The following WDR25 variants were observed in gnomAD, a reference collection of about 807,000 sequenced individuals.
WDR25 encodes the protein WD repeat-containing protein 25.
In WDR25, 35 loss-of-function variants were observed where a neutral mutation model predicts 47.7. The observed-to-expected ratio is 0.73, with a 90% confidence interval of 0.56 to 0.97. WDR25 has a LOEUF of 0.97. Ranked by LOEUF, WDR25 falls within the 50% of genes least tolerant of loss-of-function variation. WDR25 has a pLI of 0.00. For missense variants in WDR25, 634 were observed against 704.7 expected (o/e 0.90, Z 1.14); for synonymous variants, 248 against 278.9 (o/e 0.89, Z 1.10).
At chr14:100,379,398 T>TC (rs1241054046) in intron 1 of WDR25, among the ~76,000 whole-genome samples, 1 of 150,448 alleles carries the variant, frequency 6.6e-6, no homozygotes, top group Non-Finnish European at 1.5e-5. Flanking sequence ...TTCTTTTTTT[T>TC]TTTTTTTGAG....
chr14:100,406,802 G>A (rs1241099868), intron 2 of WDR25: 1 of 152,380 alleles, frequency 6.6e-6, no homozygotes, highest in Non-Finnish European at 1.5e-5. Flanking sequence ...GAAAGAGTGA[G>A]TGAGTGAATG....
rs982944352 is a variant in WDR25, at chr14:100,502,602, C to T, written c.1101+18478C>T. On this transcript the variant is annotated intron_variant, in intron 4 of 6. Coordinates refer to ENST00000402312, the MANE Select transcript of WDR25 (RefSeq NM_001161476.3). The surrounding 1 kb of genome is among the most constrained non-coding windows in gnomAD (Gnocchi z 4.5). ...TTCTTCATTAGGGGTCCTATAGACA[C>T]TTGCTGAATTAACCACTGCATGGCC... 6.6e-6 allele frequency among the ~76,000 whole-genome samples: 1 copy of T among 152,222 alleles called. No homozygotes were observed. The highest frequency in any genetic ancestry group is 6.5e-5 in the Admixed American group (1 of 15,288).
At chr14:100,485,316 A>G (rs1347811857) in intron 4 of WDR25, among the ~76,000 whole-genome samples, 1 of 151,716 alleles carries the variant, frequency 6.6e-6, no homozygotes, top group Non-Finnish European at 1.5e-5. Flanking sequence ...CTGACATATT[A>G]TGGATTTTAT....
intron 2 of WDR25, among the ~76,000 whole-genome samples, chr14:100,435,245 T>C (rs891580053): frequency 2.6e-5 from 4 of 152,162 alleles, no homozygotes; most frequent in African/African-American, 9.7e-5. Context: ...GTGTACTTGC[T>C]CCTCCTGCTG....
rs61706956 is a variant in WDR25 at position 100,459,894 on chromosome 14, GTATATATATATATATATATATATA to G, written c.823-8104_823-8081del. 3.7e-4 allele frequency among the ~76,000 whole-genome samples: 29 copies of G among 78,274 alleles called. 3 individuals are homozygous for G. Among genetic ancestry groups the G allele is most frequent in the South Asian group, 6.0e-4 (1 of 1,666 alleles). The allele number at this position is 78,274 out of a possible 152,430, so 51.4% of individuals were successfully genotyped here. On this transcript the variant is annotated intron_variant, in intron 2 of 6. Coordinates refer to ENST00000402312, the MANE Select transcript of WDR25 (RefSeq NM_001161476.3). ...TATATATCCGTATATGTGTGTGTGTGTATATATATATATATATATATATATATATATATATATATATATATACAC... is the reference window on the plus strand; with the variant it reads ...TATATATCCGTATATGTGTGTGTGTGTATATATATATATATATATATACAC...
intron 2 of WDR25, chr14:100,382,263 G>T (rs556738054): frequency 1.5e-6 from 1 of 683,430 alleles, no homozygotes; most frequent in African/African-American, 1.8e-5. Context: ...GGACACACAG[G>T]TGCTCTGGGA....
At position 100,454,867 on chromosome 14, in the gene WDR25, C is replaced by T. The variant is rs543747488; in HGVS notation, c.823-13154C>T. The T allele has an allele frequency of 2.3e-5, 4 of 172,182 alleles. No homozygotes were observed. In the South Asian group the frequency reaches 4.4e-4, roughly 19 times the overall value. The allele number at this position is 172,182 out of a possible 1,614,324, so 10.7% of individuals were successfully genotyped here. A position where few individuals can be genotyped will look rare whatever the true frequency, so the allele number is the denominator to read the frequency against. On this transcript the variant is annotated intron_variant, in intron 2 of 6. Coordinates refer to ENST00000402312, the MANE Select transcript of WDR25 (RefSeq NM_001161476.3). Reference sequence around the variant, plus strand: ...AACTGAATAGAAATTTCTGCTGCTGCACACCGCAAGGGAAACAGAGTTTGA... The same window carrying T: ...AACTGAATAGAAATTTCTGCTGCTGTACACCGCAAGGGAAACAGAGTTTGA...
At chr14:100,384,460 C>T (rs1456640094) in intron 2 of WDR25, among the ~76,000 whole-genome samples, 6 of 152,188 alleles carry the variant, frequency 3.9e-5, no homozygotes, top group Admixed American at 6.5e-5. Context: ...GGCCAGAAGT[C>T]CCGGCTGAGG....
At chr14:100,447,961 A>C (rs1898892650) in intron 2 of WDR25, among the ~76,000 whole-genome samples, 1 of 152,208 alleles carries the variant, frequency 6.6e-6, no homozygotes, top group Non-Finnish European at 1.5e-5. Flanking sequence ...TGGGAGGCCG[A>C]GGTGGGTGAA....
chr14:100,400,277 C>T (rs1020577987), intron 2 of WDR25, among the ~76,000 whole-genome samples: 7 of 152,312 alleles, frequency 4.6e-5, no homozygotes, highest in African/African-American at 1.2e-4. Context: ...TCAGTTCTGC[C>T]GTACAACCCA....
chr14:100,489,656 C>T (rs1035069567), intron 4 of WDR25, among the ~76,000 whole-genome samples: 2 of 152,186 alleles, frequency 1.3e-5, no homozygotes, highest in Admixed American at 6.5e-5. Context: ...CATGTGGCTC[C>T]TGCAGCTGGC....
chr14:100,510,685 G>A (rs940192133), intron 4 of WDR25, among the ~76,000 whole-genome samples: 2 of 151,618 alleles, frequency 1.3e-5, no homozygotes, highest in African/African-American at 2.4e-5. Flanking sequence ...GCAGTGAGCC[G>A]AGATCGCGTC....
chr14:100,479,943 A>C (rs1165257558), intron 3 of WDR25, among the ~76,000 whole-genome samples: 1 of 152,144 alleles, frequency 6.6e-6, no homozygotes, highest in Non-Finnish European at 1.5e-5. Context: ...TGGTGATCTG[A>C]GGTGGGACAG....
intron 1 of WDR25, among the ~76,000 whole-genome samples, chr14:100,378,765 C>T (rs1232244180): frequency 7.1e-5 from 2 of 28,102 alleles, no homozygotes; most frequent in African/African-American, 1.5e-4. Flanking sequence ...GAGACCATCC[C>T]GGCTAAAACG....
chr14:100,391,924 T>C (rs1897154610), intron 2 of WDR25, among the ~76,000 whole-genome samples: 1 of 152,232 alleles, frequency 6.6e-6, no homozygotes, highest in Non-Finnish European at 1.5e-5. Context: ...CGTGTGCTTT[T>C]GCAGTGGATT....
chr14:100,475,569 G>A (rs960651628), intron 3 of WDR25, among the ~76,000 whole-genome samples: 1 of 152,170 alleles, frequency 6.6e-6, no homozygotes, highest in African/African-American at 2.4e-5. Context: ...ATATGTGGAA[G>A]CTAAAAAAGT....
intron 2 of WDR25, among the ~76,000 whole-genome samples, chr14:100,408,516 C>T (rs1897611158): frequency 6.6e-6 from 1 of 152,062 alleles, no homozygotes; most frequent in Non-Finnish European, 1.5e-5. Flanking sequence ...TCCAGCGCCC[C>T]CTCTGTGCCC....
rs7158052 is a variant in WDR25, at chr14:100,430,594, C to T, written c.823-37427C>T. Among the ~76,000 whole-genome samples the T allele has an allele frequency of 1.5e-3, 231 of 152,268 alleles. No homozygotes were observed. The highest frequency in any genetic ancestry group is 5.3e-3 in the African/African-American group (220 of 41,546). ...AAATGGCTTCATGTACTGATAACCT[C>T]GTACCTTATGCCAGGCAGGACTGTG... is the stretch of plus-strand genomic sequence containing the variant. On this transcript the variant is annotated intron_variant, in intron 2 of 6. Transcript: ENST00000402312. The surrounding 1 kb of genome is among the most constrained non-coding windows in gnomAD (Gnocchi z 4.7).
intron 4 of WDR25, among the ~76,000 whole-genome samples, chr14:100,515,336 G>A (rs963148013): frequency 2.0e-5 from 3 of 151,976 alleles, no homozygotes; most frequent in South Asian, 2.1e-4. Context: ...GTTTGTCCCC[G>A]AAACCCCACC....
Sources: gnomAD v4.1 joint callset for allele counts (sites outside exome capture counted in the v4.1 genomes callset) on GRCh38, gnomAD v4.1.1 for gene constraint, Gnocchi (gnomAD v3.1) non-coding constraint, MANE v1.5 for transcripts, NCBI Gene and HGNC (gene_info 2026-07-23, HGNC 2026-07-21) for gene names.